PITPNC1: variants seen among roughly 807,000 people sequenced by gnomAD.
PITPNC1 encodes cytoplasmic phosphatidylinositol transfer protein 1.
PITPNC1 carries 18 observed loss-of-function variants against 44.7 expected under a neutral mutation model. The ratio of observed to expected loss-of-function variants is 0.40; its 90% CI spans 0.28 to 0.60. PITPNC1 has a LOEUF of 0.60. Ranked by LOEUF, PITPNC1 falls within the 20% of genes least tolerant of loss-of-function variation. The probability of loss-of-function intolerance (pLI) is 0.39; values close to 1 mark genes in which losing one functional copy is unlikely to be tolerated. For synonymous variants in PITPNC1, 141 were observed against 149.6 expected (o/e 0.94, Z 0.42); for missense variants, 290 against 418.4 (o/e 0.69, Z 2.68).
At position 67,694,959 on chromosome 17, in the gene PITPNC1, A is replaced by G. The variant is rs762221495; in HGVS notation, c.*2071A>G. On this transcript the variant is annotated 3_prime_UTR_variant, in exon 9 of 9. Coordinates refer to ENST00000581322, the MANE Select transcript of PITPNC1 (RefSeq NM_012417.4). The stretch of plus-strand genomic sequence containing the variant: ...CATTATTTTCACATAGAATGTATTT[A>G]TTTTGTGCAGGCTGTTAAACACATC... 23 of 152,164 alleles carry G rather than the reference A, an allele frequency of 1.5e-4. No individual in the cohort carries two copies. The highest frequency in any genetic ancestry group is 2.5e-4 in the Non-Finnish European group (17 of 68,008). 9.4% of individuals were successfully genotyped at this position (152,164 alleles called of 1,614,324 possible).
At chr17:67,405,437 T>C (rs1451841341) in intron 1 of PITPNC1, among the ~76,000 whole-genome samples, 1 of 151,860 alleles carries the variant, frequency 6.6e-6, no homozygotes, top group Non-Finnish European at 1.5e-5. Flanking sequence ...AAATCAAATT[T>C]AATTTTGTGT....
intron 5 of PITPNC1, among the ~76,000 whole-genome samples, chr17:67,584,984 C>T (rs1160438896): frequency 3.3e-5 from 5 of 151,998 alleles, no homozygotes; most frequent in African/African-American, 4.8e-5. Context: ...GGCATGGTGG[C>T]GCATGCCTGT....
At chr17:67,626,577 C>T (rs1326309570) in intron 5 of PITPNC1, among the ~76,000 whole-genome samples, 3 of 152,062 alleles carry the variant, frequency 2.0e-5, no homozygotes, top group Non-Finnish European at 4.4e-5. Flanking sequence ...ACCATGTTGG[C>T]CAGGCTGGTC....
chr17:67,598,100 T>C (rs1270095666), intron 5 of PITPNC1, among the ~76,000 whole-genome samples: 1 of 152,046 alleles, frequency 6.6e-6, no homozygotes, highest in Non-Finnish European at 1.5e-5. Flanking sequence ...TGCGTGCCCG[T>C]AATTCCAGCT....
At chr17:67,547,085 G>A (rs961230178) in intron 2 of PITPNC1, among the ~76,000 whole-genome samples, 1 of 152,150 alleles carries the variant, frequency 6.6e-6, no homozygotes, top group African/African-American at 2.4e-5. Context: ...TGAGAAATGA[G>A]GATATGAAGG....
intron 1 of PITPNC1, among the ~76,000 whole-genome samples, chr17:67,509,402 T>C (rs1328252063): frequency 2.0e-5 from 3 of 151,754 alleles, no homozygotes; most frequent in Non-Finnish European, 4.4e-5. Flanking sequence ...CTGGGTGTGG[T>C]GGTGCACGCC....
intron 8 of PITPNC1, among the ~76,000 whole-genome samples, chr17:67,680,375 A>G (rs539528331): frequency 2.0e-5 from 3 of 152,168 alleles, no homozygotes; most frequent in Non-Finnish European, 4.4e-5. Flanking sequence ...CAAGGCGGGC[A>G]GATCACCTGA....
intron 1 of PITPNC1, chr17:67,471,475 T>TCCAGCCTGGGTGACAGAGGGAAACTCTG (rs2039531120): frequency 2.9e-6 from 1 of 349,608 alleles, no homozygotes; most frequent in African/African-American, 2.3e-5. Flanking sequence ...ATTTTTTTCC[T>TCCAGCCTGGGTGACAGAGGGAAACTCTG]TTTAAACTTT....
chr17:67,646,304 A>T (rs1195377852), intron 6 of PITPNC1, among the ~76,000 whole-genome samples: 2 of 152,180 alleles, frequency 1.3e-5, no homozygotes, highest in Non-Finnish European at 2.9e-5. Flanking sequence ...TCTGCTCCAC[A>T]TCTAGTTATT....
At chr17:67,431,058 G>GTTTC (rs1355846637) in intron 1 of PITPNC1, among the ~76,000 whole-genome samples, 3 of 95,958 alleles carry the variant, frequency 3.1e-5, no homozygotes, top group South Asian at 3.5e-4. Context: ...TTTAGTTACT[G>GTTTC]TTTCTTTTTT....
intron 5 of PITPNC1, among the ~76,000 whole-genome samples, chr17:67,600,137 G>T (rs927520264): frequency 6.6e-6 from 1 of 152,136 alleles, no homozygotes; most frequent in Admixed American, 6.5e-5. Context: ...AAAGGAACCT[G>T]AAAAGAATCC....
At chr17:67,581,808 T>C (rs1226761309) in intron 5 of PITPNC1, among the ~76,000 whole-genome samples, 2 of 152,100 alleles carry the variant, frequency 1.3e-5, no homozygotes, top group Admixed American at 6.5e-5. Context: ...CTGAGGTGGG[T>C]GGATACCTGA....
At chr17:67,381,577 C>G (rs910684818) in intron 1 of PITPNC1, among the ~76,000 whole-genome samples, 2 of 151,704 alleles carry the variant, frequency 1.3e-5, no homozygotes, top group African/African-American at 4.8e-5. Flanking sequence ...CGCGAGTCTC[C>G]TGCCTCAGCC....
intron 1 of PITPNC1, among the ~76,000 whole-genome samples, chr17:67,440,051 C>T (rs953282879): frequency 2.0e-5 from 3 of 152,162 alleles, no homozygotes; most frequent in Non-Finnish European, 4.4e-5. Flanking sequence ...TGGCTTAATT[C>T]AGGTGATCAC....
chr17:67,644,156 C>T (rs1370802528), intron 6 of PITPNC1, among the ~76,000 whole-genome samples: 2 of 152,312 alleles, frequency 1.3e-5, no homozygotes, highest in South Asian at 2.1e-4. Context: ...TACTTCACCT[C>T]GAAGAAACCT....
chr17:67,652,938 G>T (rs2042225268), intron 6 of PITPNC1, among the ~76,000 whole-genome samples: 1 of 152,202 alleles, frequency 6.6e-6, no homozygotes, highest in African/African-American at 2.4e-5. Flanking sequence ...AAGTTGAAGT[G>T]AGATCATTAG....
chr17:67,494,581 T>C (rs754135169), intron 1 of PITPNC1, among the ~76,000 whole-genome samples: 1 of 152,180 alleles, frequency 6.6e-6, no homozygotes, highest in Non-Finnish European at 1.5e-5. Flanking sequence ...TGGTTTTGCT[T>C]GCTGGTGGTG....
At chr17:67,667,997 A>C (rs924193426) in intron 6 of PITPNC1, among the ~76,000 whole-genome samples, 2 of 152,098 alleles carry the variant, frequency 1.3e-5, no homozygotes, top group African/African-American at 4.8e-5. Context: ...ACAACAACAA[A>C]AAAACCCTTT....
intron 6 of PITPNC1, among the ~76,000 whole-genome samples, chr17:67,661,994 C>CATAATAATAATAATAATA (rs59557224): frequency 0.013 from 1,953 of 150,910 alleles, 49 homozygotes; most frequent in African/African-American, 0.045. Flanking sequence ...GACTCCATCT[C>CATAATAATAATAATAATA]ATAATAATAA....
Sources: allele counts gnomAD v4.1 joint callset (sites outside exome capture counted in the v4.1 genomes callset), GRCh38; gene constraint gnomAD v4.1.1; transcripts MANE v1.5; gene names NCBI Gene and HGNC (gene_info 2026-07-23, HGNC 2026-07-21).